NOC3L: variants seen among roughly 807,000 people sequenced by gnomAD.
NOC3L encodes the protein NOC3 like DNA replication regulator.
A neutral mutation model predicts 102.5 loss-of-function variants in NOC3L; 85 were observed. The observed-to-expected ratio is 0.83, with a 90% CI of 0.70 to 0.99. The LOEUF is 0.99. NOC3L is among the 50% of genes least tolerant of loss of function. The pLI is 0.00. For missense variants in NOC3L, 878 were observed against 914.9 expected (o/e 0.96, Z 0.52); for synonymous variants, 303 against 309.4 (o/e 0.98, Z 0.22).
chr10:94,317,465 C>T, the NOC3L span, among the ~76,000 whole-genome samples: 599 of 152,232 alleles, frequency 3.9e-3, 36 homozygotes, highest in East Asian at 0.1. Flanking sequence ...ATTTTCTATT[C>T]TGGGGATGAC....
the NOC3L span, among the ~76,000 whole-genome samples, chr10:94,323,874 G>A: frequency 6.6e-6 from 1 of 152,182 alleles, no homozygotes; most frequent in Non-Finnish European, 1.5e-5. Flanking sequence ...TATATTAAAT[G>A]AAAAGAGAGA....
chr10:94,339,770 C>A lies in NOC3L; in HGVS notation c.1931G>T (p.Gly644Val), dbSNP rs777965990. ...TAATATTCTGGTAGTTGCTAAAATG[C>A]CAATACTTGAATTTGGAAGAACATG... ...ALHVLPNSSI[G>V]ILATTRILMH... Residue 644 changes from glycine to valine, a missense_variant, in exon 17 of 21, where the codon GGC becomes GTC. Coordinates refer to ENST00000371361, the MANE Select transcript of NOC3L (RefSeq NM_022451.11). 3 of 1,613,858 alleles carry A rather than the reference C, an allele frequency of 1.9e-6. No individual in the cohort carries two copies. Among genetic ancestry groups the A allele is most frequent in the Non-Finnish European group, 2.5e-6 (3 of 1,179,882 alleles).
intron 10 of NOC3L, among the ~76,000 whole-genome samples, chr10:94,347,773 AGATAT>A (rs781332853): frequency 2.8e-4 from 42 of 152,140 alleles, no homozygotes; most frequent in Admixed American, 1.2e-3. Flanking sequence ...ATAAATGGCA[AGATAT>A]GATATTCTTG....
rs2054510517 is a variant in NOC3L at position 94,358,204 on chromosome 10, C to T, written c.229G>A (p.Glu77Lys). 1 of 1,522,986 alleles carries T rather than the reference C, an allele frequency of 6.6e-7. No individual in the cohort carries two copies. The highest frequency in any genetic ancestry group is 1.1e-5 in the South Asian group (1 of 89,394). 94.3% of individuals were successfully genotyped at this position (1,522,986 alleles called of 1,614,324 possible). A position where few individuals can be genotyped will look rare whatever the true frequency, so the allele number is the denominator to read the frequency against. Reference sequence around the variant, plus strand: ...TCTTCTTCTTCCTCTTCTTCCCTCTCAATCCTTTTACCTGTACCACACACA... The same window carrying T: ...TCTTCTTCTTCCTCTTCTTCCCTCTTAATCCTTTTACCTGTACCACACACA... ...PKEKRPGKRIEREEEEEEEAL... is the reference protein window; with the variant it reads ...PKEKRPGKRIKREEEEEEEAL... The change falls in exon 3 of 21, where the codon GAG becomes AAG. Residue 77 changes from glutamate (E) to lysine (K), a missense_variant. Physicochemically the swap from Glu to Lys is moderately conservative, Grantham distance 56. Transcript: ENST00000371361.
chr10:94,358,447 C>A (rs1050553136), intron 2 of NOC3L, among the ~76,000 whole-genome samples: 4 of 152,210 alleles, frequency 2.6e-5, no homozygotes, highest in African/African-American at 9.6e-5. Context: ...CTTTGTCGTA[C>A]TGGGATGTTC....
chr10:94,328,123 T>C, the NOC3L span: 1 of 359,330 alleles, frequency 2.8e-6, no homozygotes, highest in Non-Finnish European at 5.8e-6. Context: ...CAGGGCTAGT[T>C]GCCACCAACC....
At chr10:94,327,148 G>A in the NOC3L span, among the ~76,000 whole-genome samples, 8 of 152,138 alleles carry the variant, frequency 5.3e-5, no homozygotes, top group East Asian at 1.9e-4. Flanking sequence ...GCGACAGAGC[G>A]AGACTCCGTC....
chr10:94,351,977 A>G (rs187041522), intron 8 of NOC3L, among the ~76,000 whole-genome samples: 1 of 152,330 alleles, frequency 6.6e-6, no homozygotes, highest in Admixed American at 6.5e-5. Flanking sequence ...AATACTAATA[A>G]TTGATAAAAT....
chr10:94,343,098 A>G (rs2054304802), intron 13 of NOC3L, among the ~76,000 whole-genome samples: 1 of 152,016 alleles, frequency 6.6e-6, no homozygotes, highest in Admixed American at 6.6e-5. Flanking sequence ...AAAAAAAAAA[A>G]AGGTGGCAGA....
At position 94,356,515 on chromosome 10, in the gene NOC3L, T is replaced by C; in HGVS notation, c.565+20A>G. The stretch of plus-strand genomic sequence containing the variant: ...AAAAAATTCTCAATTAACAATTTAG[T>C]AACTGTAAAGACATATTACCTTCCT... On this transcript the variant is annotated intron_variant, in intron 5 of 20. Coordinates refer to ENST00000371361, the MANE Select transcript of NOC3L (RefSeq NM_022451.11). 6.8e-7 allele frequency: 1 copy of C among 1,474,658 alleles called. No homozygotes were observed. The highest frequency in any genetic ancestry group is 9.4e-7 in the Non-Finnish European group (1 of 1,060,732). 91.3% of individuals were successfully genotyped at this position (1,474,658 alleles called of 1,614,324 possible). A position where few individuals can be genotyped will look rare whatever the true frequency, so the allele number is the denominator to read the frequency against.
Position 94,334,644 on chromosome 10 carries a change from G to A in NOC3L, c.2264C>T (p.Pro755Leu), listed in dbSNP as rs1467262250. 6.2e-7 allele frequency: 1 copy of A among 1,611,206 alleles called. No individual in the cohort carries two copies. Among genetic ancestry groups the A allele is most frequent in the African/African-American group, 1.3e-5 (1 of 74,826 alleles). Residue 755 changes from proline to leucine, a missense_variant, in exon 20 of 21, where the codon CCC (proline) becomes CTC (leucine). Pro to Leu is a moderately conservative substitution (Grantham distance 98). Transcript: ENST00000371361. ...AAAAATATCCCATACCTTTATTTTGGGGTTTGAAGATTCAACAGGAGGATT... is the reference window on the plus strand; with the variant it reads ...AAAAATATCCCATACCTTTATTTTGAGGTTTGAAGATTCAACAGGAGGATT... ...TFNPPVESSN[P>L]KIKGKFLQGD... is the part of the protein sequence containing the mutation.
Position 94,354,955 on chromosome 10 carries a change from C to A in NOC3L, c.696+8G>T, listed in dbSNP as rs943528647. 2 of 1,611,518 alleles carry A rather than the reference C, an allele frequency of 1.2e-6. No homozygotes were observed. The highest frequency in any genetic ancestry group is 1.7e-5 in the Admixed American group (1 of 59,794). On this transcript the variant is annotated splice_region_variant and intron_variant, in intron 6 of 20. Transcript: ENST00000371361. ...TACAAAGAGCCTAAAGAAATTAATA[C>A]TACCTACATTATTTTCTGGATCTGA... is the stretch of plus-strand genomic sequence containing the variant.
intron 3 of NOC3L, 160 bp downstream of exon 3, chr10:94,357,923 T>C (rs1203766862): frequency 1.0e-5 from 6 of 602,526 alleles, no homozygotes; most frequent in African/African-American, 7.4e-5. Context: ...GCTTATCTTA[T>C]ACATGAACCT....
the NOC3L span, among the ~76,000 whole-genome samples, chr10:94,322,266 A>G: frequency 6.6e-6 from 1 of 151,800 alleles, no homozygotes. Flanking sequence ...AGGCAGGAGG[A>G]TTACTTGAGC....
intron 2 of NOC3L, among the ~76,000 whole-genome samples, chr10:94,360,857 A>C (rs1564919938): frequency 6.6e-6 from 1 of 152,014 alleles, no homozygotes; most frequent in Admixed American, 6.6e-5. Context: ...AGAAAAAAAA[A>C]AAACTTTAGC....
Position 94,349,293 on chromosome 10 carries a change from A to G in NOC3L, c.1214T>C (p.Ile405Thr). The change falls in exon 10 of 21, where the codon ATT becomes ACT. Residue 405 changes from isoleucine (I) to threonine (T), a missense_variant. Coordinates refer to ENST00000371361, the MANE Select transcript of NOC3L (RefSeq NM_022451.11). ...ATTTCTGCCCTTCACAAAACCAGAA[A>G]TCACTTTAATTACACCAAGAGAAGC... ...GQASLGVIKV[I>T]SGFVKGRNYE... The G allele has an allele frequency of 6.3e-7, 1 of 1,587,846 alleles. No homozygotes were observed. Among genetic ancestry groups the G allele is most frequent in the East Asian group, 2.3e-5 (1 of 44,148 alleles).
intron 14 of NOC3L, among the ~76,000 whole-genome samples, chr10:94,340,747 C>T (rs552310638): frequency 1.4e-4 from 21 of 151,916 alleles, no homozygotes; most frequent in Admixed American, 3.3e-4. Context: ...TTCAGGAGGC[C>T]GAGGCGGGCA....
At chr10:94,348,345 G>C (rs11187899) in intron 10 of NOC3L, among the ~76,000 whole-genome samples, 37,625 of 151,544 alleles carry the variant, frequency 0.25, 4,741 homozygotes, top group Middle Eastern at 0.41. Flanking sequence ...ATATAAGGCT[G>C]AACACAGAAT....
Position 94,338,627 on chromosome 10 carries a change from C to A in NOC3L, c.2072G>T (p.Trp691Leu). ...TCTTACCCGCAGAGCATGCAGTTCCCACAGAGCAGTGTTCTGAGCATTGCA... is the reference window on the plus strand; with the variant it reads ...TCTTACCCGCAGAGCATGCAGTTCCAACAGAGCAGTGTTCTGAGCATTGCA... ...EYCNAQNTAL[W>L]ELHALRRHYH... The change falls in exon 18 of 21, where the codon TGG becomes TTG. Residue 691 changes from tryptophan to leucine, a missense_variant. Physicochemically the swap from Trp to Leu is moderately conservative, Grantham distance 61. Transcript: ENST00000371361. 2 of 1,588,116 alleles carry A rather than the reference C, an allele frequency of 1.3e-6. No homozygotes were observed. The highest frequency in any genetic ancestry group is 1.7e-6 in the Non-Finnish European group (2 of 1,164,238).
Sources: gnomAD v4.1 joint callset for allele counts (sites outside exome capture counted in the v4.1 genomes callset) on GRCh38, gnomAD v4.1.1 for gene constraint, MANE v1.5 for transcripts, NCBI Gene and HGNC (gene_info 2026-07-23, HGNC 2026-07-21) for gene names.